The following SPATA16 variants were observed in gnomAD, a reference collection of about 807,000 sequenced individuals.
SPATA16 encodes spermatogenesis associated 16, also known as spermatogenesis-associated protein 16.
A neutral mutation model predicts 63.3 loss-of-function variants in SPATA16; 36 were observed. That is an observed-to-expected ratio of 0.57 (90% CI 0.44 to 0.75). The LOEUF is 0.75. SPATA16 is among the 30% of genes least tolerant of loss of function. SPATA16 has a pLI of 0.00. For synonymous variants in SPATA16, 203 were observed against 216.7 expected (o/e 0.94, Z 0.56); for missense variants, 646 against 679.3 (o/e 0.95, Z 0.54).
At chr3:172,940,067 C>A (rs957800252) in intron 6 of SPATA16, among the ~76,000 whole-genome samples, 1 of 152,266 alleles carries the variant, frequency 6.6e-6, no homozygotes, top group East Asian at 1.9e-4. Context: ...GAATGGCATA[C>A]CAAAGAGGGC....
At chr3:173,031,091 G>A (rs558094473) in intron 3 of SPATA16, among the ~76,000 whole-genome samples, 5 of 152,016 alleles carry the variant, frequency 3.3e-5, no homozygotes, top group African/African-American at 1.2e-4. Context: ...GGGGAACAGG[G>A]ATTTGTTATT....
chr3:172,972,314 T>C (rs1734064205), intron 5 of SPATA16, among the ~76,000 whole-genome samples: 1 of 152,170 alleles, frequency 6.6e-6, no homozygotes, highest in Non-Finnish European at 1.5e-5. Flanking sequence ...TGTCAACAGC[T>C]CTTCCAACAA....
intron 5 of SPATA16, among the ~76,000 whole-genome samples, chr3:172,969,839 A>C (rs1360789988): frequency 2.6e-5 from 4 of 152,204 alleles, no homozygotes; most frequent in Admixed American, 6.6e-5. Flanking sequence ...CGATGGTATG[A>C]GCAGTGGCTT....
At chr3:173,081,878 C>T (rs1021952710) in intron 2 of SPATA16, among the ~76,000 whole-genome samples, 8 of 152,138 alleles carry the variant, frequency 5.3e-5, no homozygotes, top group Non-Finnish European at 1.2e-4. Context: ...ATACAGATAT[C>T]ATTTATTATG....
intron 2 of SPATA16, among the ~76,000 whole-genome samples, chr3:173,067,573 C>T (rs141307055): frequency 3.4e-4 from 52 of 151,728 alleles, no homozygotes; most frequent in African/African-American, 1.2e-3. Context: ...TAAACCTGCA[C>T]GCATACCCCC....
rs1732703292 is a variant in SPATA16, at chr3:172,925,327, G to T, written c.1228+19C>A. On this transcript the variant is annotated intron_variant, in intron 7 of 10. Coordinates refer to ENST00000351008, the MANE Select transcript of SPATA16 (RefSeq NM_031955.6). ...CACAGGCTACTATATGCTAGACCTTGTAGGTTCAGATGATTTACCTGTGAA... is the reference window on the plus strand; with the variant it reads ...CACAGGCTACTATATGCTAGACCTTTTAGGTTCAGATGATTTACCTGTGAA... The T allele has an allele frequency of 6.2e-7, 1 of 1,613,470 alleles. No individual in the cohort carries two copies. The highest frequency in any genetic ancestry group is 8.5e-7 in the Non-Finnish European group (1 of 1,179,742).
intron 6 of SPATA16, among the ~76,000 whole-genome samples, chr3:172,951,429 G>A (rs1733428431): frequency 6.6e-6 from 1 of 151,906 alleles, no homozygotes; most frequent in South Asian, 2.1e-4. Context: ...CACTGGAAGT[G>A]AATAGGTCTT....
chr3:173,046,454 C>G (rs1468030513), intron 3 of SPATA16, among the ~76,000 whole-genome samples: 1 of 151,918 alleles, frequency 6.6e-6, no homozygotes, highest in Non-Finnish European at 1.5e-5. Flanking sequence ...GTAGTCTTCT[C>G]TATGACAAAA....
chr3:172,949,682 C>G (rs181295227), intron 6 of SPATA16, among the ~76,000 whole-genome samples: 2 of 152,072 alleles, frequency 1.3e-5, no homozygotes, highest in Non-Finnish European at 2.9e-5. Flanking sequence ...AGAACTCCGT[C>G]GCCTGCTAAA....
At chr3:172,902,050 T>C (rs1732136368) in intron 10 of SPATA16, among the ~76,000 whole-genome samples, 1 of 152,128 alleles carries the variant, frequency 6.6e-6, no homozygotes, top group African/African-American at 2.4e-5. Flanking sequence ...GTGTTTTTAT[T>C]TTTGAGAGAC....
At chr3:172,927,523 G>A (rs1048236596) in intron 6 of SPATA16, among the ~76,000 whole-genome samples, 8 of 152,124 alleles carry the variant, frequency 5.3e-5, no homozygotes, top group African/African-American at 1.4e-4. Flanking sequence ...TTCATCTGGC[G>A]CTTCTTCTGT....
At chr3:172,980,967 C>T (rs1286022201) in intron 4 of SPATA16, among the ~76,000 whole-genome samples, 3 of 152,174 alleles carry the variant, frequency 2.0e-5, no homozygotes, top group Non-Finnish European at 4.4e-5. Flanking sequence ...TCATTCCCAC[C>T]ACGTCACTGA....
chr3:173,069,588 C>G (rs1463089268), intron 2 of SPATA16, among the ~76,000 whole-genome samples: 2 of 152,176 alleles, frequency 1.3e-5, no homozygotes, highest in East Asian at 3.9e-4. Context: ...CCTACTCTAA[C>G]TATTCTAAAC....
intron 2 of SPATA16, among the ~76,000 whole-genome samples, chr3:173,064,490 TACTGCAAAACAGACC>T: frequency 6.6e-6 from 1 of 152,258 alleles, no homozygotes; most frequent in Middle Eastern, 3.4e-3. Flanking sequence ...GTCATTAAAA[TACTGCAAAACAGACC>T]ACTCAAAAAC....
chr3:172,958,456 A>T lies in SPATA16; in HGVS notation c.934-1632T>A, dbSNP rs76582511. 3.6e-3 allele frequency among the ~76,000 whole-genome samples: 552 copies of T among 152,320 alleles called. 3 individuals are homozygous for T. Among genetic ancestry groups the T allele is most frequent in the African/African-American group, 0.013 (539 of 41,584 alleles). ...GAACTGATCCTGGGATGGCCTGTCC[A>T]GACCATCAAGCGCGTGGTTGCACAT... is the stretch of plus-strand genomic sequence containing the variant. On this transcript the variant is annotated intron_variant, in intron 5 of 10. Coordinates refer to ENST00000351008, the MANE Select transcript of SPATA16 (RefSeq NM_031955.6).
At chr3:173,004,972 C>T (rs1734907958) in intron 4 of SPATA16, among the ~76,000 whole-genome samples, 1 of 152,176 alleles carries the variant, frequency 6.6e-6, no homozygotes, top group Non-Finnish European at 1.5e-5. Flanking sequence ...AACCTCCACT[C>T]CTTTTGGCTA....
chr3:172,927,667 T>C (rs1035346884), intron 6 of SPATA16, among the ~76,000 whole-genome samples: 1 of 152,138 alleles, frequency 6.6e-6, no homozygotes, highest in African/African-American at 2.4e-5. Context: ...ACACTGAGCA[T>C]AGGGACCAGA....
In SPATA16 at chr3:173,055,050, T is replaced by C. The variant is rs534604264; in HGVS notation, c.613-5956A>G. On this transcript the variant is annotated intron_variant, in intron 2 of 10. Coordinates refer to ENST00000351008, the MANE Select transcript of SPATA16 (RefSeq NM_031955.6). The stretch of plus-strand genomic sequence containing the variant: ...AGCACATAAAAATGTTTGATGTTAT[T>C]CATTAGAGAAATGCAAATTGAAACT... Among the ~76,000 whole-genome samples, 6 of 152,350 alleles carry C rather than the reference T, an allele frequency of 3.9e-5. No homozygotes were observed. The South Asian group carries it at 1.2e-3, about 32-fold the overall frequency.
intron 10 of SPATA16, among the ~76,000 whole-genome samples, chr3:172,899,493 CA>C (rs1732079130): frequency 6.6e-6 from 1 of 151,898 alleles, no homozygotes; most frequent in Admixed American, 6.6e-5. Context: ...TTTCTTTTTA[CA>C]TTTTTTAACT....
Sources: allele counts gnomAD v4.1 joint callset (sites outside exome capture counted in the v4.1 genomes callset), GRCh38; gene constraint gnomAD v4.1.1; transcripts MANE v1.5; gene names NCBI Gene and HGNC (gene_info 2026-07-23, HGNC 2026-07-21).